Variants in RGS6 observed in about 807,000 individuals in gnomAD.
RGS6 encodes the protein regulator of G protein signaling 6.
In RGS6, 30 loss-of-function variants were observed where a neutral mutation model predicts 78.5. The observed-to-expected ratio is 0.38, with a 90% CI of 0.29 to 0.52. The LOEUF (loss-of-function observed/expected upper bound fraction) is 0.52. Ranked by LOEUF, RGS6 falls within the 20% of genes least tolerant of loss-of-function variation. The pLI is 0.85. For synonymous variants in RGS6, 206 were observed against 206.0 expected (o/e 1.00, Z 0.00); for missense variants, 495 against 609.7 (o/e 0.81, Z 1.98).
chr14:72,053,081 CT>C (rs1567107586), intron 2 of RGS6, among the ~76,000 whole-genome samples: 1,811 of 24,300 alleles, frequency 0.075, 154 homozygotes, highest in Non-Finnish European at 0.097. Context: ...CCCTCCCTCC[CT>C]TCCTTCCTTC....
At chr14:71,930,504 C>T (rs1042584159), upstream of RGS6, among the ~76,000 whole-genome samples, 2 of 152,082 alleles carry the variant, frequency 1.3e-5, no homozygotes, top group Non-Finnish European at 2.9e-5. Flanking sequence ...CCATATAATA[C>T]ACAAAATGTA....
At chr14:72,606,234 C>T in the RGS6 span, among the ~76,000 whole-genome samples, 2 of 152,100 alleles carry the variant, frequency 1.3e-5, no homozygotes, top group Admixed American at 1.3e-4. Context: ...ACTCTGGGGG[C>T]TGGAAGACAG....
chr14:71,916,339 A>G, the RGS6 span, among the ~76,000 whole-genome samples: 1 of 152,220 alleles, frequency 6.6e-6, no homozygotes, highest in Non-Finnish European at 1.5e-5. Flanking sequence ...TTAAGTTTTC[A>G]CTAGCAGCAA....
Position 72,126,918 on chromosome 14 carries a change from T to C in RGS6, c.84+162043T>C, listed in dbSNP as rs1264170931. 3.3e-5 allele frequency among the ~76,000 whole-genome samples: 5 copies of C among 152,002 alleles called. No individual in the cohort carries two copies. In the East Asian group the frequency reaches 9.6e-4, roughly 29 times the overall value. On this transcript the variant is annotated intron_variant, in intron 2 of 17. Transcript: ENST00000553525. Reference sequence around the variant, plus strand: ...CCCAACTCCACATCCCATCATCATCTCTCATCTCATCTCGCAGCTTTAGCT... The same window carrying C: ...CCCAACTCCACATCCCATCATCATCCCTCATCTCATCTCGCAGCTTTAGCT...
Position 72,400,371 on chromosome 14 carries a change from G to A in RGS6, c.184+48177G>A, listed in dbSNP as rs377032060. Reference sequence around the variant, plus strand: ...TTTATATAGTATCAGTGAACTTCGAGCAATGAAAGAAGATGATTTTAATGC... The same window carrying A: ...TTTATATAGTATCAGTGAACTTCGAACAATGAAAGAAGATGATTTTAATGC... On this transcript the variant is annotated intron_variant, in intron 3 of 17. Transcript: ENST00000553525. Among the ~76,000 whole-genome samples the A allele has an allele frequency of 2.6e-4, 40 of 152,280 alleles. 2 individuals carry two copies. In the South Asian group the frequency reaches 8.1e-3, roughly 31 times the overall value.
intron 2 of RGS6, among the ~76,000 whole-genome samples, chr14:72,158,283 A>C (rs1314246282): frequency 1.3e-5 from 2 of 152,002 alleles, no homozygotes; most frequent in Non-Finnish European, 1.5e-5. Flanking sequence ...TCATGTCATC[A>C]TCTCTCTTTG....
intron 15 of RGS6, among the ~76,000 whole-genome samples, chr14:72,520,970 A>G (rs937793829): frequency 6.6e-5 from 10 of 152,182 alleles, no homozygotes; most frequent in Admixed American, 2.0e-4. Flanking sequence ...GATTCCTCTT[A>G]GTGAGAAATG....
At chr14:72,041,149 T>C (rs72737831) in intron 2 of RGS6, among the ~76,000 whole-genome samples, 10,394 of 152,188 alleles carry the variant, frequency 0.068, 454 homozygotes, top group East Asian at 0.17. Flanking sequence ...TTCATATGCA[T>C]TGATTTTTGC....
At chr14:72,248,451 A>G (rs113851710) in intron 2 of RGS6, among the ~76,000 whole-genome samples, 2 of 152,244 alleles carry the variant, frequency 1.3e-5, no homozygotes, top group Admixed American at 6.5e-5. Context: ...TCATAAACAC[A>G]TATTTTTTAA....
At chr14:72,477,007 G>A (rs185539719) in intron 11 of RGS6, 167 bp downstream of exon 11, 11 of 597,304 alleles carry the variant, frequency 1.8e-5, no homozygotes, top group East Asian at 5.9e-5. Flanking sequence ...AACAAGCCAC[G>A]GAAGCTTGAG....
rs570869402 is a variant in RGS6 at position 72,465,894 on chromosome 14, A to T, written c.459+72A>T. On this transcript the variant is annotated intron_variant, in intron 7 of 17. Coordinates refer to ENST00000553525, the MANE Select transcript of RGS6 (RefSeq NM_001204424.2). ...CATATCTGCAGCTCCGTCTAAGTTTATTTTTTTTTTCTTTTGTCCCCCTTT... is the reference window on the plus strand; with the variant it reads ...CATATCTGCAGCTCCGTCTAAGTTTTTTTTTTTTTTCTTTTGTCCCCCTTT... 3.6e-5 allele frequency: 43 copies of T among 1,195,626 alleles called. No individual in the cohort carries two copies. In the African/African-American group the frequency reaches 4.4e-4, roughly 12 times the overall value. 74.1% of individuals were successfully genotyped at this position (1,195,626 alleles called of 1,614,324 possible).
At chr14:72,400,109 A>T (rs915782825) in intron 3 of RGS6, among the ~76,000 whole-genome samples, 1 of 152,230 alleles carries the variant, frequency 6.6e-6, no homozygotes, top group African/African-American at 2.4e-5. Flanking sequence ...AGTTGAAATG[A>T]AGGAAAAAAT....
At chr14:72,126,132 A>G (rs545801402) in intron 2 of RGS6, among the ~76,000 whole-genome samples, 11 of 152,236 alleles carry the variant, frequency 7.2e-5, no homozygotes, top group African/African-American at 1.2e-4. Context: ...CTACTTAGAT[A>G]CTTTGAGAAG....
intron 2 of RGS6, among the ~76,000 whole-genome samples, chr14:72,305,089 G>A (rs2066945689): frequency 2.6e-5 from 4 of 152,026 alleles, no homozygotes; most frequent in Non-Finnish European, 5.9e-5. Flanking sequence ...AGAAGTGAGG[G>A]CAAGTGTCTT....
intron 2 of RGS6, among the ~76,000 whole-genome samples, chr14:72,000,223 T>C (rs1002481850): frequency 2.0e-5 from 3 of 152,232 alleles, no homozygotes; most frequent in Non-Finnish European, 2.9e-5. Context: ...GCGGTTGTTG[T>C]AATATCTTTA....
chr14:72,547,027 A>T, intron 17 of RGS6: 1 of 706,104 alleles, frequency 1.4e-6, no homozygotes, highest in Non-Finnish European at 2.4e-6. Flanking sequence ...TCGTGCAGCC[A>T]CATGGGAACT....
intron 2 of RGS6, among the ~76,000 whole-genome samples, chr14:71,982,836 A>AT: frequency 6.6e-6 from 1 of 152,294 alleles, no homozygotes; most frequent in Non-Finnish European, 1.5e-5. Flanking sequence ...GTTTTTCAGC[A>AT]TTTCCAGTTG....
intron 2 of RGS6, among the ~76,000 whole-genome samples, chr14:72,072,826 A>G (rs2094453925): frequency 6.6e-6 from 1 of 152,224 alleles, no homozygotes; most frequent in South Asian, 2.1e-4. Flanking sequence ...ATTAAAGTCA[A>G]AGGTAGTCTT....
chr14:72,209,412 T>C (rs978448887), intron 2 of RGS6, among the ~76,000 whole-genome samples: 3 of 152,166 alleles, frequency 2.0e-5, no homozygotes, highest in Non-Finnish European at 2.9e-5. Flanking sequence ...TTCTATTTCT[T>C]CTACTTCTTC....
Sources: allele counts gnomAD v4.1 joint callset (sites outside exome capture counted in the v4.1 genomes callset), GRCh38; gene constraint gnomAD v4.1.1; transcripts MANE v1.5; gene names NCBI Gene and HGNC (gene_info 2026-07-23, HGNC 2026-07-21).